Variants in ZNF552 observed in about 807,000 individuals in gnomAD.
ZNF552 encodes the protein zinc finger protein 552.
ZNF552 carries 2 observed loss-of-function variants against 7.2 expected under a neutral mutation model. The ratio of observed to expected loss-of-function variants is 0.28; its 90% confidence interval spans 0.11 to 0.88. ZNF552 has a LOEUF of 0.88. Among genes scored for constraint, ZNF552 ranks in the 40% least tolerant of loss-of-function variants. The probability of loss-of-function intolerance (pLI) is 0.60; values close to 1 mark genes in which losing one functional copy is unlikely to be tolerated. For missense variants in ZNF552, 421 were observed against 493.4 expected (o/e 0.85, Z 1.39); for synonymous variants, 173 against 176.5 (o/e 0.98, Z 0.16).
rs1401956723 is a variant in ZNF552 at position 57,808,398 on chromosome 19, A to G, written c.866T>C (p.Ile289Thr). The change falls in exon 3 of 3, where the codon ATT (isoleucine) becomes ACT (threonine). Residue 289 changes from isoleucine (I) to threonine (T), a missense_variant. Around this residue, in one of 2 missense-constraint regions of ZNF552, gnomAD observed 299 missense variants for 293.7 expected, o/e 1.02. Coordinates refer to ENST00000391701, the MANE Select transcript of ZNF552 (RefSeq NM_024762.3). ...CTCATATGGCTTCTCTCCAGTGTGA[A>G]TTCTCTGGTGTACAAGGAGGTGGGA... The part of the protein sequence containing the change: ...SKSHLLVHQR[I>T]HTGEKPYECE... 1 of 1,613,560 alleles carries G rather than the reference A, an allele frequency of 6.2e-7. No individual in the cohort carries two copies. The highest frequency in any genetic ancestry group is 8.5e-7 in the Non-Finnish European group (1 of 1,179,766).
chr19:57,810,500 A>AGGTTAAATGGATTTTG (rs1987833299), intron 2 of ZNF552, among the ~76,000 whole-genome samples: 2 of 152,168 alleles, frequency 1.3e-5, no homozygotes, highest in Non-Finnish European at 1.5e-5. Context: ...TGTCAACTCA[A>AGGTTAAATGGATTTTG]GGTTAAATGG....
rs200182363 is a variant in ZNF552, at chr19:57,808,247, G to A, written c.1017C>T (p.Phe339=). The stretch of plus-strand genomic sequence containing the variant: ...CAGTGTGAACTCTCTTATGAACACG[G>A]AATGTAGAGCTGTGGGTAAATGACT... ...CGKSFTHSST[F]RVHKRVHTGQ... Residue 339 remains phenylalanine (F), a synonymous_variant, in exon 3 of 3, where the codon TTC becomes TTT. Transcript: ENST00000391701. 7 of 1,613,996 alleles carry A rather than the reference G, an allele frequency of 4.3e-6. No homozygotes were observed. The highest frequency in any genetic ancestry group is 5.9e-6 in the Non-Finnish European group (7 of 1,180,020).
chr19:57,808,380 G>A lies in ZNF552; in HGVS notation c.884C>T (p.Pro295Leu), dbSNP rs777421103. Residue 295 changes from proline (P) to leucine (L), a missense_variant, in exon 3 of 3, where the codon CCA becomes CTA. By Grantham distance (98) the Pro-to-Leu change is moderately conservative (BLOSUM62 -3). This residue lies in a region of ZNF552 where 299 missense variants were observed against 293.7 expected (regional missense o/e 1.02). Coordinates refer to ENST00000391701, the MANE Select transcript of ZNF552 (RefSeq NM_024762.3). ...VHQRIHTGEK[P>L]YECEVCQKFF... ...TTTCTGACAAACCTCACACTCATAT[G>A]GCTTCTCTCCAGTGTGAATTCTCTG... The A allele has an allele frequency of 1.9e-6, 3 of 1,613,374 alleles. No homozygotes were observed. The highest frequency in any genetic ancestry group is 2.5e-6 in the Non-Finnish European group (3 of 1,179,620).
chr19:57,814,301 T>C (rs151042998), intron 1 of ZNF552: 3 of 601,834 alleles, frequency 5.0e-6, no homozygotes, highest in East Asian at 5.5e-5. Flanking sequence ...TACTCTGTTA[T>C]TTATTTGGCC....
At chr19:57,813,069 G>T (rs935869367) in intron 2 of ZNF552, 6 of 613,140 alleles carry the variant, frequency 9.8e-6, no homozygotes, top group African/African-American at 9.2e-5. Flanking sequence ...GCATTAAGTT[G>T]CCTGTAAGAC....
At chr19:57,812,837 G>A (rs1045440684) in intron 2 of ZNF552, among the ~76,000 whole-genome samples, 3 of 152,174 alleles carry the variant, frequency 2.0e-5, no homozygotes, top group Non-Finnish European at 4.4e-5. Context: ...CCTGAGTGCA[G>A]AAATTATAGG....
In ZNF552 at chr19:57,809,041, C is replaced by G; in HGVS notation, c.223G>C (p.Glu75Gln). The G allele has an allele frequency of 6.5e-7, 1 of 1,546,072 alleles. No individual in the cohort carries two copies. The change falls in exon 3 of 3, where the codon GAG becomes CAG. Residue 75 changes from glutamate to glutamine, a missense_variant. Around this residue, in one of 2 missense-constraint regions of ZNF552, gnomAD observed 122 missense variants for 199.7 expected, o/e 0.61. Transcript: ENST00000391701. ...PSKQSIYIQR[E>Q]TQVRTPMAGV... The stretch of plus-strand genomic sequence containing the variant: ...GCCATAGGAGTCCTGACCTGAGTCT[C>G]TCTTTGTATATAAATACTCTGCTTA...
In ZNF552 at chr19:57,808,002, G is replaced by A; in HGVS notation, c.*38C>T. ...CAATCACAGGATCTTACTCAGGTGT[G>A]TATTCTCCAATATTTAATGAGACTG... On this transcript the variant is annotated 3_prime_UTR_variant, in exon 3 of 3. Transcript: ENST00000391701. The A allele has an allele frequency of 1.3e-6, 2 of 1,551,156 alleles. No individual in the cohort carries two copies.
At position 57,807,141 on chromosome 19, in the gene ZNF552, T is replaced by C. The variant is rs576475177; in HGVS notation, c.*899A>G. On this transcript the variant is annotated 3_prime_UTR_variant, in exon 3 of 3. Transcript: ENST00000391701. ...AAATTCTAGAAAATGGAAAGTATTA[T>C]ACAGCAGAGTAAATCAATGGTTGTC... 1.3e-5 allele frequency: 2 copies of C among 152,356 alleles called. No individual in the cohort carries two copies. The highest frequency in any genetic ancestry group is 1.9e-4 in the East Asian group (1 of 5,190). The allele number at this position is 152,356 out of a possible 1,614,324, so 9.4% of individuals were successfully genotyped here. A position where few individuals can be genotyped will look rare whatever the true frequency, so the allele number is the denominator to read the frequency against.
Position 57,813,599 on chromosome 19 carries a change from G to A in ZNF552, c.34-179C>T, listed in dbSNP as rs959692872. On this transcript the variant is annotated intron_variant, in intron 1 of 2. Coordinates refer to ENST00000391701, the MANE Select transcript of ZNF552 (RefSeq NM_024762.3). The stretch of plus-strand genomic sequence containing the variant: ...CAACAATAGTTAGTTGAACAAATAG[G>A]TATCTGTGCGGTGGCTGTGATATAA... Among the ~76,000 whole-genome samples the A allele has an allele frequency of 3.3e-5, 5 of 152,114 alleles. No individual in the cohort carries two copies. The South Asian group carries it at 1.0e-3, about 32-fold the overall frequency.
At position 57,808,200 on chromosome 19, in the gene ZNF552, C is replaced by T; in HGVS notation, c.1064G>A (p.Ser355Asn). The change falls in exon 3 of 3, where the codon AGT (serine) becomes AAT (asparagine). Residue 355 changes from serine (S) to asparagine (N), a missense_variant. By Grantham distance (46) the Ser-to-Asn change is conservative. Around this residue, in one of 2 missense-constraint regions of ZNF552, gnomAD observed 299 missense variants for 293.7 expected, o/e 1.02. Coordinates refer to ENST00000391701, the MANE Select transcript of ZNF552 (RefSeq NM_024762.3). ...VHTGQKPYEC[S>N]ECGKSFAESS... ...TTCGGCAAAAGATTTCCCACATTCA[C>T]TGCACTCATAAGGCTTCTGACCAGT... 2.5e-6 allele frequency: 4 copies of T among 1,614,146 alleles called. No individual in the cohort carries two copies. Among genetic ancestry groups the T allele is most frequent in the Non-Finnish European group, 3.4e-6 (4 of 1,180,032 alleles).
At position 57,808,840 on chromosome 19, in the gene ZNF552, T is replaced by G. The variant is rs765845348; in HGVS notation, c.424A>C (p.Ile142Leu). The G allele has an allele frequency of 2.6e-5, 42 of 1,613,958 alleles. No individual in the cohort carries two copies. The highest frequency in any genetic ancestry group is 3.4e-5 in the Non-Finnish European group (40 of 1,180,032). ...CTCCCTCTGTAGGGTTTCTCTCCAA[T>G]GTGCTCATTCTGGTGCTGATGAAAG... ...GNFHQHQNEH[I>L]GEKPYRGSVE... Residue 142 changes from isoleucine (I) to leucine (L), a missense_variant, in exon 3 of 3, where the codon ATT (isoleucine) becomes CTT (leucine). Coordinates refer to ENST00000391701, the MANE Select transcript of ZNF552 (RefSeq NM_024762.3).
intron 2 of ZNF552, among the ~76,000 whole-genome samples, chr19:57,811,161 CT>C (rs921761762): frequency 3.5e-4 from 49 of 141,362 alleles, no homozygotes; most frequent in Middle Eastern, 3.8e-3. Flanking sequence ...GCCCACTTTT[CT>C]TTTTTTTTTT....
At chr19:57,810,383 G>A (rs1987831277) in intron 2 of ZNF552, among the ~76,000 whole-genome samples, 2 of 152,134 alleles carry the variant, frequency 1.3e-5, no homozygotes, top group African/African-American at 2.4e-5. Context: ...GAAAGAAGCA[G>A]ACATAAGAGA....
intron 2 of ZNF552, among the ~76,000 whole-genome samples, chr19:57,812,159 C>T (rs958766142): frequency 6.6e-6 from 1 of 151,872 alleles, no homozygotes; most frequent in African/African-American, 2.4e-5. Flanking sequence ...AGAGATCAAG[C>T]TACTGCACTC....
At chr19:57,809,285 T>C in intron 2 of ZNF552, 182 bp from the exon 3 acceptor site, 1 of 1,432,586 alleles carries the variant, frequency 7.0e-7, no homozygotes. Context: ...TCACAGAATG[T>C]AGGAGGCCTC....
intron 2 of ZNF552, among the ~76,000 whole-genome samples, chr19:57,812,828 C>T (rs1487301902): frequency 1.3e-5 from 2 of 152,256 alleles, no homozygotes; most frequent in Admixed American, 1.3e-4. Flanking sequence ...CTTGGCCTCC[C>T]TGAGTGCAGA....
At chr19:57,809,404 C>T (rs770732709) in intron 2 of ZNF552, among the ~76,000 whole-genome samples, 80 of 152,188 alleles carry the variant, frequency 5.3e-4, no homozygotes, top group Non-Finnish European at 7.2e-4. Flanking sequence ...TCATGACATG[C>T]GAGTGCTGTA....
Position 57,813,567 on chromosome 19 carries a change from C to A in ZNF552, c.34-147G>T, listed in dbSNP as rs1021253665. The A allele has an allele frequency of 1.1e-5, 15 of 1,360,674 alleles. No individual in the cohort carries two copies. The Admixed American group carries it at 3.0e-4, about 27-fold the overall frequency. 84.3% of individuals were successfully genotyped at this position (1,360,674 alleles called of 1,614,324 possible). On this transcript the variant is annotated intron_variant, in intron 1 of 2. Transcript: ENST00000391701. Reference sequence around the variant, plus strand: ...TAGGCCCACTGGTCATGGGGTACAGCCACCAACAACAATAGTTAGTTGAAC... The same window carrying A: ...TAGGCCCACTGGTCATGGGGTACAGACACCAACAACAATAGTTAGTTGAAC...
Sources: gnomAD v4.1 joint callset for allele counts (sites outside exome capture counted in the v4.1 genomes callset) on GRCh38, gnomAD v4.1.1 for gene constraint, gnomAD v4.1.1 regional missense constraint, MANE v1.5 for transcripts, NCBI Gene and HGNC (gene_info 2026-07-23, HGNC 2026-07-21) for gene names.